Variants in HEPH observed in about 807,000 individuals in gnomAD.
HEPH encodes hephaestin.
A neutral mutation model predicts 80.8 loss-of-function variants in HEPH; 69 were observed. The ratio of observed to expected loss-of-function variants is 0.85; its 90% CI spans 0.70 to 1.04. The LOEUF is 1.04. Ranked by LOEUF, HEPH falls within the 50% of genes least tolerant of loss-of-function variation. HEPH has a pLI of 0.00. For synonymous variants in HEPH, 431 were observed against 322.8 expected, an observed-to-expected ratio of 1.34 and a Z score of -3.60; for missense variants, 1,115 against 891.3, an observed-to-expected ratio of 1.25 and a Z score of -3.20.
intron 15 of HEPH, among the ~76,000 whole-genome samples, chrX:66,251,670 A>G (rs2091010898): frequency 9.0e-6 from 1 of 111,688 alleles, no homozygotes; most frequent in South Asian, 3.8e-4. Context: ...ATTTGAATGT[A>G]GCATAGAAAT....
Position 66,195,462 on chromosome X carries a change from A to G in HEPH, c.1501+233A>G, listed in dbSNP as rs750720809. 2.7e-5 allele frequency among the ~76,000 whole-genome samples: 3 copies of G among 111,726 alleles called. 1 individual carries two copies. The South Asian group carries it at 1.1e-3, about 41-fold the overall frequency. On this transcript the variant is annotated intron_variant, in intron 9 of 20. Transcript: ENST00000343002. ...CTAATTTTAAAAATAAGTTTATTAT[A>G]GAACTCTGAAAAGCAGACAATTACA...
At chrX:66,180,993 C>A (rs2087118603) in intron 4 of HEPH, among the ~76,000 whole-genome samples, 1 of 97,923 alleles carries the variant, frequency 1.0e-5, no homozygotes, top group African/African-American at 3.8e-5. Flanking sequence ...ATGATGGTTT[C>A]CAGTTTCATC....
At chrX:66,170,780 G>T (rs748541338) in intron 2 of HEPH, 43 bp downstream of exon 2, 1 of 1,121,830 alleles carries the variant, frequency 8.9e-7, no homozygotes, top group East Asian at 3.1e-5. Context: ...AGTTATGGGA[G>T]CACTCTTGAG....
chrX:66,231,689 G>T (rs1297091690), intron 15 of HEPH, among the ~76,000 whole-genome samples: 1 of 109,036 alleles, frequency 9.2e-6, no homozygotes, highest in African/African-American at 3.4e-5. Context: ...TGAGACAGTG[G>T]GGTTTTCTAG....
chrX:66,259,418 A>G (rs946647112), intron 18 of HEPH, among the ~76,000 whole-genome samples: 5 of 111,919 alleles, frequency 4.5e-5, no homozygotes, highest in Admixed American at 9.5e-5. Context: ...TAAAGGAGGA[A>G]GAGTTGGGGG....
Position 66,207,068 on chromosome X carries a change from G to A in HEPH, c.2292-127G>A, listed in dbSNP as rs1036969498. ...TAAAAAAAAGAAAAAAAAAGAAATA[G>A]GTCCCCCCCCTTTTTTTTTTCTGTC... On this transcript the variant is annotated intron_variant, in intron 13 of 20. Coordinates refer to ENST00000343002, the MANE Select transcript of HEPH (RefSeq NM_001367233.3). 9 of 434,663 alleles carry A rather than the reference G, an allele frequency of 2.1e-5. No homozygotes were observed. The South Asian group carries it at 4.3e-4, about 21-fold the overall frequency. The allele number at this position is 434,663 out of a possible 1,213,427, so 35.8% of individuals were successfully genotyped here. A position where few individuals can be genotyped will look rare whatever the true frequency, so the allele number is the denominator to read the frequency against.
At chrX:66,224,189 ATATATGT>A (rs1354973768) in intron 15 of HEPH, among the ~76,000 whole-genome samples, 8 of 111,046 alleles carry the variant, frequency 7.2e-5, no homozygotes, top group Non-Finnish European at 1.3e-4. Flanking sequence ...AATTACTATA[ATATATGT>A]TATATTGTTA....
chrX:66,170,079 T>C (rs1171705240), intron 1 of HEPH: 3 of 112,843 alleles, frequency 2.7e-5, no homozygotes, highest in African/African-American at 9.7e-5. Context: ...TTTGGGTTTA[T>C]GAATATTCTA....
chrX:66,257,360 A>G (rs985341432), intron 17 of HEPH, among the ~76,000 whole-genome samples: 2 of 111,902 alleles, frequency 1.8e-5, no homozygotes, highest in African/African-American at 6.5e-5. Flanking sequence ...TCGAGCAGGT[A>G]TTTGTTAAGC....
chrX:66,164,489 C>T lies in HEPH; in HGVS notation c.-14+19C>T. ...AGCAAAGGTAAGCTTTCTTTTCTCT[C>T]TTTTCAAACTCTACCTCACCTGCCT... On this transcript the variant is annotated intron_variant, in intron 1 of 20. Transcript: ENST00000343002. The T allele has an allele frequency of 1.3e-6, 1 of 751,444 alleles. No individual in the cohort carries two copies. Among genetic ancestry groups the T allele is most frequent in the South Asian group, 6.8e-5 (1 of 14,774 alleles). The allele number at this position is 751,444 out of a possible 1,213,427, so 61.9% of individuals were successfully genotyped here.
chrX:66,234,117 T>C (rs1048905429), intron 15 of HEPH, among the ~76,000 whole-genome samples: 7 of 110,611 alleles, frequency 6.3e-5, no homozygotes, highest in African/African-American at 2.3e-4. Context: ...TGTGTCCATG[T>C]GTTCTTATCA....
intron 15 of HEPH, among the ~76,000 whole-genome samples, chrX:66,226,308 G>T (rs781439586): frequency 9.0e-6 from 1 of 111,554 alleles, no homozygotes; most frequent in Non-Finnish European, 1.9e-5. Flanking sequence ...CTTACTAAGA[G>T]AAAAGTTTAA....
intron 19 of HEPH, among the ~76,000 whole-genome samples, chrX:66,262,329 T>A (rs576254763): frequency 1.8e-5 from 2 of 111,853 alleles, no homozygotes; most frequent in African/African-American, 6.5e-5. Flanking sequence ...ACAGAAAATA[T>A]AAGGATCAAT....
chrX:66,194,937 G>A (rs954788267), intron 8 of HEPH, among the ~76,000 whole-genome samples, 161 bp from the exon 9 acceptor site: 2 of 112,415 alleles, frequency 1.8e-5, no homozygotes, highest in Non-Finnish European at 3.8e-5. Flanking sequence ...ATTGTAAATT[G>A]CAATATACTT....
At position 66,207,311 on chromosome X, in the gene HEPH, C is replaced by G. The variant is rs746936776; in HGVS notation, c.2408C>G (p.Pro803Arg). ...AGGATCCCTCGGCCAAGGACTGGAC[C>G]AGAAGAACACTTGGGAATCTTGGGT... is the stretch of plus-strand genomic sequence containing the variant. ...TFRIPRPRTG[P>R]EEHLGILGPL... Residue 803 changes from proline to arginine, a missense_variant, in exon 14 of 21, where the codon CCA becomes CGA. This residue lies in a region of HEPH where 716 missense variants were observed against 523.5 expected (regional missense o/e 1.37). Transcript: ENST00000343002. The G allele has an allele frequency of 1.0e-5, 12 of 1,189,195 alleles. No individual in the cohort carries two copies. Among genetic ancestry groups the G allele is most frequent in the Non-Finnish European group, 1.2e-5 (11 of 883,048 alleles).
chrX:66,180,511 C>A (rs146143079), intron 4 of HEPH, among the ~76,000 whole-genome samples: 2 of 110,316 alleles, frequency 1.8e-5, no homozygotes, highest in African/African-American at 6.6e-5. Flanking sequence ...TATAGGTGAC[C>A]TGGTGTTTTT....
At chrX:66,173,342 G>A (rs1272027681) in intron 3 of HEPH, among the ~76,000 whole-genome samples, 4 of 111,818 alleles carry the variant, frequency 3.6e-5, no homozygotes, top group Non-Finnish European at 7.5e-5. Flanking sequence ...ACTTTTCCTA[G>A]CCACAGAACT....
chrX:66,251,208 G>T (rs1218066411), intron 15 of HEPH, among the ~76,000 whole-genome samples: 1 of 112,010 alleles, frequency 8.9e-6, no homozygotes, highest in Non-Finnish European at 1.9e-5. Context: ...TTTCTCTTTG[G>T]TGGATACCTA....
chrX:66,212,902 G>T (rs2147878558), intron 15 of HEPH, among the ~76,000 whole-genome samples: 1 of 110,317 alleles, frequency 9.1e-6, no homozygotes, highest in East Asian at 2.8e-4. Context: ...CATTGATTCT[G>T]CAGATTGCTT....
Sources: allele counts gnomAD v4.1 joint callset (sites outside exome capture counted in the v4.1 genomes callset), GRCh38; gene constraint gnomAD v4.1.1; regional missense constraint gnomAD v4.1.1; transcripts MANE v1.5; gene names NCBI Gene and HGNC (gene_info 2026-07-23, HGNC 2026-07-21).